Variants in PLXDC2 observed in about 807,000 individuals in gnomAD.
PLXDC2 encodes plexin domain containing 2.
PLXDC2 carries 40 observed loss-of-function variants against 68.9 expected under a neutral mutation model. The ratio of observed to expected loss-of-function variants is 0.58; its 90% CI spans 0.45 to 0.76. The LOEUF (loss-of-function observed/expected upper bound fraction) is 0.76. Among genes scored for constraint, PLXDC2 ranks in the 30% least tolerant of loss-of-function variants. PLXDC2 has a pLI of 0.00. For missense variants in PLXDC2, 644 were observed against 661.9 expected, an observed-to-expected ratio of 0.97 and a Z score of 0.30; for synonymous variants, 243 against 234.2, an observed-to-expected ratio of 1.04 and a Z score of -0.34.
chr10:20,068,342 C>T (rs1836252471), intron 4 of PLXDC2, 103 bp downstream of exon 4: 2 of 1,024,414 alleles, frequency 2.0e-6, no homozygotes, highest in South Asian at 3.4e-5. Context: ...ATTGAGAAAA[C>T]CATTGTGTTT....
intron 4 of PLXDC2, among the ~76,000 whole-genome samples, chr10:20,118,062 A>G (rs1404463338): frequency 6.6e-6 from 1 of 151,976 alleles, no homozygotes; most frequent in African/African-American, 2.4e-5. Context: ...ATGTATACAT[A>G]TGTGTCTATA....
At chr10:20,002,545 C>A (rs1176053785) in intron 2 of PLXDC2, among the ~76,000 whole-genome samples, 2 of 152,170 alleles carry the variant, frequency 1.3e-5, no homozygotes, top group Non-Finnish European at 2.9e-5. Context: ...AGGCATGAGC[C>A]ACCTCACCTG....
chr10:20,013,424 A>G (rs1835150812), intron 2 of PLXDC2, among the ~76,000 whole-genome samples: 1 of 152,192 alleles, frequency 6.6e-6, no homozygotes, highest in Admixed American at 6.5e-5. Context: ...CCTAAAAATA[A>G]TGCTCCCTGA....
chr10:19,977,219 C>T (rs750741393), intron 1 of PLXDC2, among the ~76,000 whole-genome samples: 18 of 152,274 alleles, frequency 1.2e-4, no homozygotes, highest in African/African-American at 9.6e-5. Context: ...GTCTTTTTAT[C>T]GGTCTTTTGT....
chr10:20,231,915 G>A (rs887246630), intron 12 of PLXDC2, among the ~76,000 whole-genome samples: 1 of 151,846 alleles, frequency 6.6e-6, no homozygotes, highest in African/African-American at 2.4e-5. Flanking sequence ...TATGTGGGAG[G>A]CCCAAGTCAG....
intron 9 of PLXDC2, among the ~76,000 whole-genome samples, chr10:20,194,557 T>C (rs1252471533): frequency 6.6e-6 from 1 of 152,036 alleles, no homozygotes; most frequent in Admixed American, 6.6e-5. Flanking sequence ...TTAGAAAAGG[T>C]ACCTCACAAA....
intron 7 of PLXDC2, among the ~76,000 whole-genome samples, chr10:20,165,262 G>A (rs1834358732): frequency 6.6e-6 from 1 of 151,960 alleles, no homozygotes. Context: ...GCAGCTTTGT[G>A]CTATCTTTTT....
intron 1 of PLXDC2, among the ~76,000 whole-genome samples, chr10:19,990,198 A>G (rs1011265000): frequency 2.0e-5 from 3 of 152,300 alleles, no homozygotes; most frequent in African/African-American, 7.2e-5. Flanking sequence ...AATAAAGACC[A>G]TGATTTCTGT....
At chr10:19,946,599 G>T (rs1471338211) in intron 1 of PLXDC2, among the ~76,000 whole-genome samples, 2 of 151,646 alleles carry the variant, frequency 1.3e-5, no homozygotes, top group East Asian at 3.9e-4. Flanking sequence ...AACCTTTATG[G>T]CACCAGAGAC....
At chr10:20,036,678 A>ATTTTCTGTAATTTT (rs2131672427) in intron 2 of PLXDC2, among the ~76,000 whole-genome samples, 1 of 152,276 alleles carries the variant, frequency 6.6e-6, no homozygotes, top group South Asian at 2.1e-4. Flanking sequence ...TACAGAAATA[A>ATTTTCTGTAATTTT]TCAGTGGCTC....
chr10:19,818,421 C>T (rs1280260570), intron 1 of PLXDC2, among the ~76,000 whole-genome samples: 1 of 151,980 alleles, frequency 6.6e-6, no homozygotes, highest in African/African-American at 2.4e-5. Flanking sequence ...TTTACCAAGC[C>T]GCGACTTAGA....
intron 1 of PLXDC2, among the ~76,000 whole-genome samples, chr10:19,933,901 A>T (rs1833682098): frequency 6.6e-6 from 1 of 151,842 alleles, no homozygotes; most frequent in Non-Finnish European, 1.5e-5. Context: ...GGAAAGAGAA[A>T]GAAAGGAAAG....
At chr10:20,060,410 T>A (rs1390796420) in intron 3 of PLXDC2, among the ~76,000 whole-genome samples, 1 of 150,782 alleles carries the variant, frequency 6.6e-6, no homozygotes, top group Non-Finnish European at 1.5e-5. Context: ...AGAAAGTAAA[T>A]GTTTTATACA....
At chr10:20,097,661 C>G (rs115620413) in intron 4 of PLXDC2, among the ~76,000 whole-genome samples, 227 of 151,982 alleles carry the variant, frequency 1.5e-3, no homozygotes, top group African/African-American at 5.3e-3. Flanking sequence ...ACTGTACAGC[C>G]AAATCTACTT....
At chr10:20,031,075 G>C (rs1476001901) in intron 2 of PLXDC2, among the ~76,000 whole-genome samples, 1 of 152,102 alleles carries the variant, frequency 6.6e-6, no homozygotes, top group South Asian at 2.1e-4. Flanking sequence ...GACACTGTGT[G>C]GAATAGAAAG....
rs77779820 is a variant in PLXDC2, at chr10:20,099,415, T to C, written c.541+31176T>C. 4.6e-3 allele frequency among the ~76,000 whole-genome samples: 699 copies of C among 152,358 alleles called. 5 individuals are homozygous for C. Among genetic ancestry groups the C allele is most frequent in the African/African-American group, 0.016 (655 of 41,584 alleles). On this transcript the variant is annotated intron_variant, in intron 4 of 13. Coordinates refer to ENST00000377252, the MANE Select transcript of PLXDC2 (RefSeq NM_032812.9). The stretch of plus-strand genomic sequence containing the variant: ...AATATCTGCCTGATGGCCCATCATT[T>C]TGATAAATCATAGTTTTAAAAATCT...
At chr10:20,258,475 T>C in intron 13 of PLXDC2, among the ~76,000 whole-genome samples, 1 of 152,322 alleles carries the variant, frequency 6.6e-6, no homozygotes, top group Non-Finnish European at 1.5e-5. Flanking sequence ...AGTATTTACC[T>C]TCACATTTTT....
chr10:19,911,346 C>A (rs945843640), intron 1 of PLXDC2, among the ~76,000 whole-genome samples: 2 of 152,114 alleles, frequency 1.3e-5, no homozygotes, highest in Non-Finnish European at 2.9e-5. Flanking sequence ...CTACACATAA[C>A]TTTAAATACT....
chr10:20,253,442 G>T (rs992211513), intron 13 of PLXDC2, among the ~76,000 whole-genome samples: 4 of 151,510 alleles, frequency 2.6e-5, no homozygotes, highest in Non-Finnish European at 5.9e-5. Flanking sequence ...CATTCTTAAA[G>T]TGTGCCTAAA....
Sources: allele counts gnomAD v4.1 joint callset (sites outside exome capture counted in the v4.1 genomes callset), GRCh38; gene constraint gnomAD v4.1.1; transcripts MANE v1.5; gene names NCBI Gene and HGNC (gene_info 2026-07-23, HGNC 2026-07-21).